The following UGT3A1 variants were observed in gnomAD, a reference collection of about 807,000 sequenced individuals.
The protein encoded by UGT3A1 is UDP glycosyltransferase family 3 member A1.
Under a neutral mutation model 37.6 loss-of-function variants are expected in UGT3A1, and 40 were observed. That is an observed-to-expected ratio of 1.06 (90% CI 0.83 to 1.38). UGT3A1 has a LOEUF of 1.38. Among genes scored for constraint, UGT3A1 ranks in the 40% most tolerant of loss-of-function variants. The pLI, the probability that UGT3A1 is intolerant of heterozygous loss-of-function variation, is 0.00. For synonymous variants in UGT3A1, 256 were observed against 232.3 expected (o/e 1.10, Z -0.93); for missense variants, 642 against 634.2 (o/e 1.01, Z -0.13).
intron 2 of UGT3A1, among the ~76,000 whole-genome samples, chr5:35,974,211 A>ATTTTTTTTTTTTTT (rs1740166369): frequency 6.6e-6 from 1 of 152,156 alleles, no homozygotes; most frequent in Non-Finnish European, 1.5e-5. Context: ...AATAAAAATA[A>ATTTTTTTTTTTTTT]TTATATTTTT....
intron 1 of UGT3A1, among the ~76,000 whole-genome samples, chr5:35,997,774 G>T (rs1256503875): frequency 1.3e-5 from 2 of 152,164 alleles, no homozygotes; most frequent in East Asian, 3.9e-4. Flanking sequence ...GTATGTGCAT[G>T]ATCTTCTCCT....
At chr5:35,962,883 T>A (rs780254131) in intron 4 of UGT3A1, 12 of 702,438 alleles carry the variant, frequency 1.7e-5, no homozygotes, top group African/African-American at 1.6e-4. Context: ...GTCAAAGCCA[T>A]CTCAGTGGTT....
chr5:35,996,445 G>T (rs1741098140), intron 2 of UGT3A1, among the ~76,000 whole-genome samples: 1 of 151,990 alleles, frequency 6.6e-6, no homozygotes, highest in Non-Finnish European at 1.5e-5. Flanking sequence ...TAACATGTTG[G>T]GTGTGTCTAA....
intron 2 of UGT3A1, among the ~76,000 whole-genome samples, chr5:35,974,987 G>A (rs890969253): frequency 6.6e-6 from 1 of 152,192 alleles, no homozygotes; most frequent in African/African-American, 2.4e-5. Flanking sequence ...AGAAGTTCTG[G>A]GGAAGAGGTA....
chr5:35,955,503 C>T, intron 6 of UGT3A1, 142 bp downstream of exon 6: 1 of 935,460 alleles, frequency 1.1e-6, no homozygotes, highest in Non-Finnish European at 1.6e-6. Context: ...CCAGAGAAAA[C>T]AGGTGGGCTG....
At chr5:35,970,592 C>G (rs764527516) in intron 2 of UGT3A1, among the ~76,000 whole-genome samples, 8 of 152,116 alleles carry the variant, frequency 5.3e-5, no homozygotes, top group Non-Finnish European at 1.2e-4. Flanking sequence ...CTAAAATATT[C>G]CATTGCATTC....
Position 35,988,497 on chromosome 5 carries a change from C to A in UGT3A1, c.149G>T (p.Gly50Val). 6.2e-7 allele frequency: 1 copy of A among 1,613,168 alleles called. No homozygotes were observed. The highest frequency in any genetic ancestry group is 8.5e-7 in the Non-Finnish European group (1 of 1,179,582). ...CTGATGAAGCATAGTCACATTATGA[C>A]CATGCTCTTGAAGAATCTGAGACAC... ...DRVSQILQEHGHNVTMLHQSG... is the reference protein window; with the variant it reads ...DRVSQILQEHVHNVTMLHQSG... Residue 50 changes from glycine (G) to valine (V), a missense_variant, in exon 2 of 7, where the codon GGT becomes GTT. By Grantham distance (109) the Gly-to-Val change is moderately radical (BLOSUM62 -3). Transcript: ENST00000274278.
chr5:35,965,225 C>T (rs1373522396), intron 4 of UGT3A1, among the ~76,000 whole-genome samples, 161 bp downstream of exon 4: 2 of 152,138 alleles, frequency 1.3e-5, no homozygotes, highest in Admixed American at 6.5e-5. Flanking sequence ...ACTGTACTTG[C>T]CAAACCCTGA....
upstream of UGT3A1, among the ~76,000 whole-genome samples, chr5:35,994,110 A>C (rs1306005272): frequency 2.6e-5 from 4 of 152,078 alleles, no homozygotes; most frequent in African/African-American, 4.8e-5. Context: ...CTTTTGTATC[A>C]GCAGAAAGCA....
At chr5:35,970,360 C>T (rs984596634) in intron 2 of UGT3A1, among the ~76,000 whole-genome samples, 4 of 151,084 alleles carry the variant, frequency 2.6e-5, no homozygotes, top group Admixed American at 2.6e-4. Context: ...CCACTGCACT[C>T]CTGCCTAGTG....
At chr5:35,978,555 A>G (rs1346317179) in intron 2 of UGT3A1, among the ~76,000 whole-genome samples, 1 of 152,130 alleles carries the variant, frequency 6.6e-6, no homozygotes, top group Admixed American at 6.5e-5. Context: ...CATAAGACTT[A>G]TTCACTATCA....
intron 1 of UGT3A1, among the ~76,000 whole-genome samples, chr5:35,999,577 G>A (rs1455447404): frequency 6.6e-6 from 1 of 152,138 alleles, no homozygotes; most frequent in Non-Finnish European, 1.5e-5. Context: ...TATTCCAATG[G>A]CATATCAGGT....
intron 4 of UGT3A1, 143 bp downstream of exon 4, chr5:35,965,243 C>A: frequency 7.8e-7 from 1 of 1,284,746 alleles, no homozygotes; most frequent in Non-Finnish European, 1.1e-6. Flanking sequence ...TGAAAGTCAG[C>A]ACTTCCTTTA....
chr5:35,966,561 A>G (rs1203694960), intron 3 of UGT3A1, among the ~76,000 whole-genome samples: 1 of 152,230 alleles, frequency 6.6e-6, no homozygotes, highest in South Asian at 2.1e-4. Flanking sequence ...GGAACATGCT[A>G]AAGTTTTACT....
In UGT3A1 at chr5:35,980,817, T is replaced by C. The variant is rs77812314; in HGVS notation, c.196+7633A>G. ...TTAACAATATGAAATTTACTTTACC[T>C]TTTATGACAGATAAAGATGTTGTAC... On this transcript the variant is annotated intron_variant, in intron 2 of 6. Transcript: ENST00000274278. Among the ~76,000 whole-genome samples the C allele has an allele frequency of 2.6e-5, 4 of 152,348 alleles. No individual in the cohort carries two copies. In the East Asian group the frequency reaches 7.7e-4, roughly 29 times the overall value.
intron 2 of UGT3A1, among the ~76,000 whole-genome samples, chr5:35,976,718 T>C (rs1412800077): frequency 6.6e-6 from 1 of 151,826 alleles, no homozygotes; most frequent in Non-Finnish European, 1.5e-5. Flanking sequence ...CATCTGTAGT[T>C]CCAGCTACTC....
intron 2 of UGT3A1, among the ~76,000 whole-genome samples, chr5:35,975,577 C>T (rs1740231675): frequency 6.6e-6 from 1 of 152,200 alleles, no homozygotes; most frequent in Admixed American, 6.5e-5. Flanking sequence ...AAATAAACTG[C>T]AGCATGAGTG....
chr5:35,965,856 G>A lies in UGT3A1; in HGVS notation c.373C>T (p.Leu125=), dbSNP rs768917502. 1.9e-6 allele frequency: 3 copies of A among 1,609,008 alleles called. No individual in the cohort carries two copies. The highest frequency in any genetic ancestry group is 4.5e-5 in the East Asian group (2 of 44,886). The change falls in exon 4 of 7, where the codon CTA becomes TTA. Residue 125 remains leucine (L), a synonymous_variant. Coordinates refer to ENST00000274278, the MANE Select transcript of UGT3A1 (RefSeq NM_152404.4). ...GAATCCATTATATCCTTTCTGCTTA[G>A]CAAATAACTACATTGAGTCCCAAAT... ...EIFGTQCSYL[L]SRKDIMDSLK... is the part of the protein sequence containing the mutation.
exon 1 of UGT3A1, chr5:36,001,015 G>T (rs770651244): frequency 6.6e-6 from 1 of 152,192 alleles, no homozygotes; most frequent in South Asian, 2.1e-4. Flanking sequence ...GTCTACCATG[G>T]TGGGTATCCC....
Sources: allele counts gnomAD v4.1 joint callset (sites outside exome capture counted in the v4.1 genomes callset), GRCh38; gene constraint gnomAD v4.1.1; transcripts MANE v1.5; gene names NCBI Gene and HGNC (gene_info 2026-07-23, HGNC 2026-07-21).